The following TNFSF4 variants were observed in gnomAD, a reference collection of about 807,000 sequenced individuals.
TNFSF4 encodes the protein TNF superfamily member 4.
Under a neutral mutation model 7.3 loss-of-function variants are expected in TNFSF4, and 4 were observed. The observed-to-expected ratio is 0.55, with a 90% CI of 0.27 to 1.25. The LOEUF (loss-of-function observed/expected upper bound fraction) is 1.25. Among genes scored for constraint, TNFSF4 ranks in the 50% most tolerant of loss-of-function variants. TNFSF4 has a pLI of 0.12. For missense variants in TNFSF4, 181 were observed against 208.8 expected, an observed-to-expected ratio of 0.87 and a Z score of 0.82; for synonymous variants, 76 against 83.7, an observed-to-expected ratio of 0.91 and a Z score of 0.50.
At chr1:173,448,048 G>A in the TNFSF4 span, among the ~76,000 whole-genome samples, 1 of 152,126 alleles carries the variant, frequency 6.6e-6, no homozygotes, top group Non-Finnish European at 1.5e-5. Context: ...ATTGCATAAT[G>A]GGATAAGGTT....
At chr1:173,242,005 G>A in the TNFSF4 span, among the ~76,000 whole-genome samples, 1 of 152,226 alleles carries the variant, frequency 6.6e-6, no homozygotes, top group Admixed American at 6.5e-5. Context: ...TCTCGAAGAT[G>A]TCAAAGAAGC....
chr1:173,396,524 C>T, the TNFSF4 span, among the ~76,000 whole-genome samples: 1 of 152,150 alleles, frequency 6.6e-6, no homozygotes. Flanking sequence ...CAAAAAAATA[C>T]GGTTTGGGCA....
the TNFSF4 span, among the ~76,000 whole-genome samples, chr1:173,237,155 T>C: frequency 6.6e-6 from 1 of 152,202 alleles, no homozygotes; most frequent in African/African-American, 2.4e-5. Context: ...CCACCATGAC[T>C]GTGAGACTGC....
chr1:173,373,716 G>C, the TNFSF4 span, among the ~76,000 whole-genome samples: 1 of 152,334 alleles, frequency 6.6e-6, no homozygotes, highest in Middle Eastern at 3.4e-3. Flanking sequence ...TCCCAGAGAG[G>C]ACTGGCAGTT....
chr1:173,344,132 G>A, the TNFSF4 span, among the ~76,000 whole-genome samples: 1 of 152,094 alleles, frequency 6.6e-6, no homozygotes, highest in East Asian at 1.9e-4. Flanking sequence ...TGCTGGTAAG[G>A]CAAAGCTAAA....
the TNFSF4 span, among the ~76,000 whole-genome samples, chr1:173,403,341 G>T: frequency 6.6e-6 from 1 of 152,292 alleles, no homozygotes; most frequent in African/African-American, 2.4e-5. Context: ...AGCCAGCAGA[G>T]ACCATCAAGG....
chr1:173,326,825 T>C, the TNFSF4 span, among the ~76,000 whole-genome samples: 6 of 152,116 alleles, frequency 3.9e-5, no homozygotes, highest in Admixed American at 2.0e-4. Context: ...GTGAAGGACC[T>C]CTTCAAGGAG....
At chr1:173,245,644 G>A in the TNFSF4 span, among the ~76,000 whole-genome samples, 1 of 152,066 alleles carries the variant, frequency 6.6e-6, no homozygotes, top group Non-Finnish European at 1.5e-5. Context: ...ATACAATATT[G>A]TTAACCATAG....
chr1:173,193,351 A>G (rs1436788040), intron 1 of TNFSF4, among the ~76,000 whole-genome samples: 1 of 152,232 alleles, frequency 6.6e-6, no homozygotes, highest in Non-Finnish European at 1.5e-5. Flanking sequence ...ATACTCAAGG[A>G]TGAAATGCAA....
the TNFSF4 span, among the ~76,000 whole-genome samples, chr1:173,387,475 G>A: frequency 3.3e-5 from 5 of 152,136 alleles, no homozygotes; most frequent in Admixed American, 2.6e-4. Context: ...AGAACCGTAA[G>A]AAATAAATTT....
intron 1 of TNFSF4, among the ~76,000 whole-genome samples, chr1:173,201,139 G>A (rs899850189): frequency 2.0e-5 from 3 of 152,132 alleles, no homozygotes; most frequent in East Asian, 1.9e-4. Context: ...AAGAAGAAAC[G>A]GAAATAGCCT....
At chr1:173,436,842 A>G in the TNFSF4 span, among the ~76,000 whole-genome samples, 3 of 152,178 alleles carry the variant, frequency 2.0e-5, no homozygotes, top group African/African-American at 7.2e-5. Context: ...CGCTGATGGC[A>G]TCTGGTACAC....
chr1:173,372,643 T>G, the TNFSF4 span, among the ~76,000 whole-genome samples: 2 of 152,202 alleles, frequency 1.3e-5, no homozygotes, highest in Non-Finnish European at 2.9e-5. Context: ...AATCTCACTG[T>G]CTGGACTACT....
At chr1:173,428,411 A>C in the TNFSF4 span, among the ~76,000 whole-genome samples, 1 of 152,250 alleles carries the variant, frequency 6.6e-6, no homozygotes, top group Non-Finnish European at 1.5e-5. Context: ...CAAAGTACTC[A>C]GTTTTTCAAC....
At chr1:173,240,337 T>C in the TNFSF4 span, among the ~76,000 whole-genome samples, 13 of 152,166 alleles carry the variant, frequency 8.5e-5, no homozygotes, top group Admixed American at 8.5e-4. Context: ...TTCCCCTCCA[T>C]AGACATTCTC....
chr1:173,446,042 A>G, the TNFSF4 span, among the ~76,000 whole-genome samples: 1 of 152,220 alleles, frequency 6.6e-6, no homozygotes, highest in African/African-American at 2.4e-5. Context: ...CAGAATGTCC[A>G]GGATACAATC....
the TNFSF4 span, among the ~76,000 whole-genome samples, chr1:173,421,084 CTACATGT>C: frequency 6.6e-6 from 1 of 152,198 alleles, no homozygotes; most frequent in African/African-American, 2.4e-5. Context: ...CACACCATCC[CTACATGT>C]CACCACCACT....
chr1:173,302,863 G>A, the TNFSF4 span, among the ~76,000 whole-genome samples: 5 of 151,662 alleles, frequency 3.3e-5, no homozygotes, highest in African/African-American at 4.8e-5. Flanking sequence ...CACTGATGAC[G>A]TTATAAAAGA....
chr1:173,377,933 T>A, the TNFSF4 span, among the ~76,000 whole-genome samples: 1 of 152,152 alleles, frequency 6.6e-6, no homozygotes, highest in Non-Finnish European at 1.5e-5. Context: ...GGGCATAACA[T>A]CTTTATAGGA....
Sources: gnomAD v4.1 joint callset for allele counts (sites outside exome capture counted in the v4.1 genomes callset) on GRCh38, gnomAD v4.1.1 for gene constraint, MANE v1.5 for transcripts, NCBI Gene and HGNC (gene_info 2026-07-23, HGNC 2026-07-21) for gene names.